CHD6: variants seen among roughly 807,000 people sequenced by gnomAD.
CHD6 encodes the protein ATP-dependent chromatin remodeler CHD6.
In CHD6, 50 loss-of-function variants were observed where a neutral mutation model predicts 276.9. The observed-to-expected ratio is 0.18, with a 90% confidence interval of 0.14 to 0.23. CHD6 has a LOEUF of 0.23. Among genes scored for constraint, CHD6 ranks in the 10% least tolerant of loss-of-function variants. The pLI is 1.00. For missense variants in CHD6, 2,564 were observed against 3,365.8 expected (o/e 0.76, Z 5.89); for synonymous variants, 1,173 against 1,229.3 (o/e 0.95, Z 0.96).
chr20:41,588,457 T>C (rs2045619671), intron 1 of CHD6, among the ~76,000 whole-genome samples: 1 of 152,120 alleles, frequency 6.6e-6, no homozygotes, highest in Non-Finnish European at 1.5e-5. Flanking sequence ...AGCCCAAGCA[T>C]ACTACTAACC....
intron 1 of CHD6, among the ~76,000 whole-genome samples, chr20:41,564,364 T>G (rs2146192743): frequency 6.6e-6 from 1 of 152,294 alleles, no homozygotes; most frequent in African/African-American, 2.4e-5. Flanking sequence ...AACAAACTAC[T>G]TATACACACA....
intron 16 of CHD6, among the ~76,000 whole-genome samples, chr20:41,481,929 G>GA (rs1418416534): frequency 6.6e-6 from 1 of 152,064 alleles, no homozygotes; most frequent in Non-Finnish European, 1.5e-5. Context: ...TATTTATGCA[G>GA]AAAAAAACAG....
At chr20:41,482,901 C>A (rs1361228765) in intron 16 of CHD6, among the ~76,000 whole-genome samples, 1 of 151,946 alleles carries the variant, frequency 6.6e-6, no homozygotes, top group Admixed American at 6.6e-5. Flanking sequence ...CTGTGAGTTG[C>A]CAGTTTATGC....
rs764877184 is a variant in CHD6, at chr20:41,533,493, T to C, written c.111A>G (p.Pro37=). The C allele has an allele frequency of 3.1e-6, 5 of 1,613,876 alleles. No individual in the cohort carries two copies. The highest frequency in any genetic ancestry group is 2.2e-5 in the East Asian group (1 of 44,888). ...SVNFDYKSPS[P]FDCSTDQEEK... ...CTTCTTGATCAGTGCTGCAGTCAAATGGGGATGGAGATTTGTAGTCAAAAT... is the reference window on the plus strand; with the variant it reads ...CTTCTTGATCAGTGCTGCAGTCAAACGGGGATGGAGATTTGTAGTCAAAAT... The change falls in exon 3 of 37, where the codon CCA becomes CCG. Residue 37 remains proline (P), a synonymous_variant. Coordinates refer to ENST00000373233, the MANE Select transcript of CHD6 (RefSeq NM_032221.5).
chr20:41,601,248 TCACATTTGC>T (rs2146286166), intron 1 of CHD6, among the ~76,000 whole-genome samples: 1 of 152,324 alleles, frequency 6.6e-6, no homozygotes, highest in South Asian at 2.1e-4. Flanking sequence ...TCCCCTGAGA[TCACATTTGC>T]CATTCTAGCA....
intron 1 of CHD6, among the ~76,000 whole-genome samples, chr20:41,608,175 C>T (rs115464086): frequency 3.3e-3 from 499 of 152,244 alleles, no homozygotes; most frequent in African/African-American, 0.011. Flanking sequence ...ATCTTATGCA[C>T]ATTATTTAAA....
chr20:41,419,183 C>T (rs375409600), intron 31 of CHD6, among the ~76,000 whole-genome samples: 7 of 152,098 alleles, frequency 4.6e-5, no homozygotes, highest in African/African-American at 1.7e-4. Context: ...TTTGGCTTCT[C>T]GGTTTTTATC....
intron 17 of CHD6, among the ~76,000 whole-genome samples, chr20:41,471,556 G>A (rs1471458417): frequency 3.4e-5 from 5 of 149,102 alleles, no homozygotes; most frequent in Admixed American, 2.0e-4. Context: ...TTTTTTTTGA[G>A]ACCGAGTCTC....
At chr20:41,430,150 C>T (rs2047490420) in intron 27 of CHD6, among the ~76,000 whole-genome samples, 1 of 152,174 alleles carries the variant, frequency 6.6e-6, no homozygotes, top group African/African-American at 2.4e-5. Flanking sequence ...GTGGTTTTAG[C>T]ATGCAGACTA....
chr20:41,596,080 C>T (rs1038025673), intron 1 of CHD6, among the ~76,000 whole-genome samples: 3 of 152,184 alleles, frequency 2.0e-5, no homozygotes, highest in African/African-American at 7.2e-5. Context: ...ACACTCAGTC[C>T]CTCCACCATA....
chr20:41,527,895 T>A (rs2044582982), intron 3 of CHD6, among the ~76,000 whole-genome samples: 1 of 152,056 alleles, frequency 6.6e-6, no homozygotes, highest in African/African-American at 2.4e-5. Flanking sequence ...CTCTTGAGAG[T>A]AGCCCTCTCT....
intron 20 of CHD6, among the ~76,000 whole-genome samples, chr20:41,454,126 GC>G (rs1305250712): frequency 2.0e-5 from 3 of 152,196 alleles, no homozygotes; most frequent in Non-Finnish European, 4.4e-5. Flanking sequence ...ACTAATCTCA[GC>G]GGGGGTCAAA....
intron 5 of CHD6, among the ~76,000 whole-genome samples, chr20:41,505,237 T>C (rs1601030126): frequency 1.3e-5 from 2 of 152,312 alleles, no homozygotes; most frequent in Admixed American, 6.5e-5. Flanking sequence ...TCCATTCCTT[T>C]AGTGATTTTT....
chr20:41,540,218 T>C (rs2044915232), intron 2 of CHD6, among the ~76,000 whole-genome samples: 2 of 152,176 alleles, frequency 1.3e-5, no homozygotes, highest in South Asian at 4.1e-4. Context: ...GAAACAGTTA[T>C]CTACAATTTG....
intron 2 of CHD6, among the ~76,000 whole-genome samples, chr20:41,534,547 G>A (rs2044778308): frequency 6.9e-6 from 1 of 145,092 alleles, no homozygotes; most frequent in Non-Finnish European, 1.5e-5. Context: ...AGAATCCCAG[G>A]AGAAAAAGAT....
intron 1 of CHD6, among the ~76,000 whole-genome samples, chr20:41,596,269 C>T (rs1051817004): frequency 6.6e-6 from 1 of 152,070 alleles, no homozygotes; most frequent in Non-Finnish European, 1.5e-5. Flanking sequence ...AGAAGTGCCA[C>T]GTGGAGGAAT....
In CHD6 at chr20:41,493,544, C is replaced by T. The variant is rs1446642266; in HGVS notation, c.1308G>A (p.Lys436=). 2 of 1,613,496 alleles carry T rather than the reference C, an allele frequency of 1.2e-6. No homozygotes were observed. The highest frequency in any genetic ancestry group is 1.7e-6 in the Non-Finnish European group (2 of 1,179,750). Residue 436 remains lysine (K), a synonymous_variant, in exon 10 of 37, where the codon AAG becomes AAA. Coordinates refer to ENST00000373233, the MANE Select transcript of CHD6 (RefSeq NM_032221.5). ...AGAGACAAAACTACTTTACCACATG[C>T]TTAATTTCAGGGAGAACTTGAAGAG... The part of the protein sequence containing the change: ...FESLQVLPEI[K]HVERPASDSW...
intron 27 of CHD6, among the ~76,000 whole-genome samples, chr20:41,433,295 A>T (rs930706407): frequency 2.6e-5 from 4 of 152,224 alleles, no homozygotes; most frequent in African/African-American, 9.6e-5. Context: ...AACTCACAGA[A>T]ATCCGTAAGC....
At chr20:41,592,665 C>T (rs538829461) in intron 1 of CHD6, among the ~76,000 whole-genome samples, 33 of 152,286 alleles carry the variant, frequency 2.2e-4, no homozygotes, top group African/African-American at 7.7e-4. Context: ...CCTAGACTAT[C>T]CTGGCAAAAT....
Sources: allele counts gnomAD v4.1 joint callset (sites outside exome capture counted in the v4.1 genomes callset), GRCh38; gene constraint gnomAD v4.1.1; transcripts MANE v1.5; gene names NCBI Gene and HGNC (gene_info 2026-07-23, HGNC 2026-07-21).